The following MGAT5 variants were observed in gnomAD, a reference collection of about 807,000 sequenced individuals.
MGAT5 encodes alpha-1,6-mannosylglycoprotein 6-beta-N-acetylglucosaminyltransferase A.
MGAT5 carries 30 observed loss-of-function variants against 94.3 expected under a neutral mutation model. The ratio of observed to expected loss-of-function variants is 0.32; its 90% CI spans 0.24 to 0.43. MGAT5 has a LOEUF of 0.43. Among genes scored for constraint, MGAT5 ranks in the 20% least tolerant of loss-of-function variants. The pLI, the probability that MGAT5 is intolerant of heterozygous loss-of-function variation, is 1.00. For synonymous variants in MGAT5, 310 were observed against 322.9 expected, an observed-to-expected ratio of 0.96 and a Z score of 0.43; for missense variants, 691 against 905.5, an observed-to-expected ratio of 0.76 and a Z score of 3.04.
Position 134,167,125 on chromosome 2 carries a change from C to A in MGAT5, c.-143+46834C>A, listed in dbSNP as rs111800572. ...TTAGCTGAGGTTGATAAAGGACAAGCTTTTGTTACTGATTTGTTCCTGTAA... is the reference window on the plus strand; with the variant it reads ...TTAGCTGAGGTTGATAAAGGACAAGATTTTGTTACTGATTTGTTCCTGTAA... On this transcript the variant is annotated intron_variant, in intron 1 of 16. Coordinates refer to the MGAT5 transcript ENST00000409645. 7.6e-3 allele frequency among the ~76,000 whole-genome samples: 1,161 copies of A among 152,254 alleles called. 11 individuals are homozygous for A. The highest frequency in any genetic ancestry group is 0.026 in the African/African-American group (1,066 of 41,536).
At chr2:134,328,825 G>A (rs1414041858) in intron 4 of MGAT5, among the ~76,000 whole-genome samples, 1 of 151,936 alleles carries the variant, frequency 6.6e-6, no homozygotes, top group Non-Finnish European at 1.5e-5. Context: ...AGAGTGGCCA[G>A]GTCAGTGGGT....
At chr2:134,219,152 G>A (rs1680634360) in intron 1 of MGAT5, among the ~76,000 whole-genome samples, 1 of 152,150 alleles carries the variant, frequency 6.6e-6, no homozygotes, top group South Asian at 2.1e-4. Flanking sequence ...CGAGCCACCT[G>A]TCGGGGTGCA....
At chr2:134,124,236 G>A (rs1685741125) in intron 1 of MGAT5, among the ~76,000 whole-genome samples, 1 of 152,200 alleles carries the variant, frequency 6.6e-6, no homozygotes, top group Admixed American at 6.5e-5. Context: ...AGGAGCCTTA[G>A]CACTGTAACC....
At chr2:134,318,519 C>T (rs4954133) in intron 3 of MGAT5, 131 bp from the exon 4 acceptor site, 670,375 of 683,064 alleles carry the variant, frequency 0.98, 329,230 homozygotes, top group East Asian at 1. Flanking sequence ...GCTCAGTGAC[C>T]CTGTCACTCA....
chr2:134,131,865 G>C lies in MGAT5; in HGVS notation c.-143+11574G>C, dbSNP rs115146494. On this transcript the variant is annotated intron_variant, in intron 1 of 16. Coordinates refer to the MGAT5 transcript ENST00000409645. ...GACCCCGCCACCTCCATGAGATCGT[G>C]CCCAGGCTAGCCCAGTGGAGGGGGC... 1.4e-4 allele frequency among the ~76,000 whole-genome samples: 22 copies of C among 152,274 alleles called. 1 individual carries two copies. The East Asian group carries it at 4.3e-3, about 29-fold the overall frequency.
chr2:134,244,715 GGTGA>G (rs1682146218), intron 1 of MGAT5, among the ~76,000 whole-genome samples: 1 of 152,090 alleles, frequency 6.6e-6, no homozygotes. Context: ...TCTTCCAGTG[GGTGA>G]GTAAGATCCT....
At chr2:134,139,311 A>G (rs1048618059) in intron 1 of MGAT5, among the ~76,000 whole-genome samples, 1 of 152,242 alleles carries the variant, frequency 6.6e-6, no homozygotes, top group African/African-American at 2.4e-5. Flanking sequence ...GGCTGTTAAG[A>G]TCCAGAATGG....
chr2:134,154,132 A>G (rs534691582), intron 1 of MGAT5, among the ~76,000 whole-genome samples: 63 of 152,352 alleles, frequency 4.1e-4, no homozygotes, highest in Middle Eastern at 6.8e-3. Flanking sequence ...CACTTATAAT[A>G]CATAGACTTT....
chr2:134,152,113 C>T (rs1303567832), intron 1 of MGAT5, among the ~76,000 whole-genome samples: 1 of 148,130 alleles, frequency 6.8e-6, no homozygotes. Context: ...CGCCCACCGC[C>T]ATGGGACCTC....
At chr2:134,222,114 G>A (rs57199457) in intron 1 of MGAT5, among the ~76,000 whole-genome samples, 2,002 of 151,434 alleles carry the variant, frequency 0.013, 47 homozygotes, top group African/African-American at 0.045. Context: ...TCTTTAAGAG[G>A]TGAGATGGAG....
At position 134,449,032 on chromosome 2, in the gene MGAT5, A is replaced by G; in HGVS notation, c.*185A>G. 1 of 611,856 alleles carries G rather than the reference A, an allele frequency of 1.6e-6. No individual in the cohort carries two copies. Among genetic ancestry groups the G allele is most frequent in the Non-Finnish European group, 2.9e-6 (1 of 348,560 alleles). The allele number at this position is 611,856 out of a possible 1,614,324, so 37.9% of individuals were successfully genotyped here. A position where few individuals can be genotyped will look rare whatever the true frequency, so the allele number is the denominator to read the frequency against. ...AACCCAGTGGAGTCTTCACCAAAAC[A>G]AAACAAGAGCGTATGTCAGGCCAGG... On this transcript the variant is annotated 3_prime_UTR_variant, in exon 16 of 16. Coordinates refer to ENST00000281923, the MANE Select transcript of MGAT5 (RefSeq NM_002410.5).
intron 1 of MGAT5, among the ~76,000 whole-genome samples, chr2:134,207,180 G>A (rs1314922165): frequency 6.6e-6 from 1 of 152,084 alleles, no homozygotes; most frequent in African/African-American, 2.4e-5. Flanking sequence ...TTTAGATAGT[G>A]ATTCTTCTGC....
chr2:134,250,860 C>G (rs1478319865), upstream of MGAT5, among the ~76,000 whole-genome samples: 1 of 152,192 alleles, frequency 6.6e-6, no homozygotes, highest in East Asian at 1.9e-4. Context: ...CTTTGCGCCT[C>G]TGATACACCA....
chr2:134,367,942 T>G (rs1680537621), intron 10 of MGAT5, among the ~76,000 whole-genome samples: 1 of 152,242 alleles, frequency 6.6e-6, no homozygotes, highest in African/African-American at 2.4e-5. Context: ...GCTGATGCCT[T>G]TTAAGGAAGC....
chr2:134,400,740 G>C (rs965414608), intron 10 of MGAT5, among the ~76,000 whole-genome samples: 1 of 152,174 alleles, frequency 6.6e-6, no homozygotes, highest in African/African-American at 2.4e-5. Context: ...TCACTAGTTG[G>C]CAACTGGCTT....
intron 15 of MGAT5, among the ~76,000 whole-genome samples, chr2:134,442,312 C>T (rs1034349466): frequency 6.6e-6 from 1 of 152,102 alleles, no homozygotes; most frequent in African/African-American, 2.4e-5. Flanking sequence ...AGCCAGGCCT[C>T]CAGCAGAGTC....
At chr2:134,207,757 C>T (rs1160915333) in intron 1 of MGAT5, among the ~76,000 whole-genome samples, 1 of 152,066 alleles carries the variant, frequency 6.6e-6, no homozygotes, top group African/African-American at 2.4e-5. Context: ...TGATATGTAT[C>T]ATTTGTGCTC....
chr2:134,451,006 C>T lies in MGAT5; in HGVS notation c.*2159C>T, dbSNP rs1686075753. ...CCTGCAATCCCTGGGCCAGTGCCGC[C>T]CTCTCCTGGGCTCTTCCAGGAGCAT... On this transcript the variant is annotated 3_prime_UTR_variant, in exon 16 of 16. Coordinates refer to ENST00000281923, the MANE Select transcript of MGAT5 (RefSeq NM_002410.5). 1 of 152,048 alleles carries T rather than the reference C, an allele frequency of 6.6e-6. No homozygotes were observed. The highest frequency in any genetic ancestry group is 1.5e-5 in the Non-Finnish European group (1 of 68,020). The allele number at this position is 152,048 out of a possible 1,614,324, so 9.4% of individuals were successfully genotyped here.
In MGAT5 at chr2:134,338,310, G is replaced by A. The variant is rs1253150993; in HGVS notation, c.697G>A (p.Glu233Lys). The A allele has an allele frequency of 6.2e-7, 1 of 1,613,220 alleles. No individual in the cohort carries two copies. The highest frequency in any genetic ancestry group is 2.2e-5 in the East Asian group (1 of 44,816). Residue 233 changes from glutamate to lysine, a missense_variant, in exon 6 of 16, where the codon GAA (glutamate) becomes AAA (lysine). This residue lies in a region of MGAT5 where 307 missense variants were observed against 335.4 expected (regional missense o/e 0.92). Coordinates refer to ENST00000281923, the MANE Select transcript of MGAT5 (RefSeq NM_002410.5). ...NILYSMMKKH[E>K]EFRWMRLRIR... ...TCTCTACAGTATGATGAAAAAGCAT[G>A]AAGAATTCCGGTGGATGAGACTACG...
Sources: allele counts gnomAD v4.1 joint callset (sites outside exome capture counted in the v4.1 genomes callset), GRCh38; gene constraint gnomAD v4.1.1; regional missense constraint gnomAD v4.1.1; transcripts MANE v1.5; gene names NCBI Gene and HGNC (gene_info 2026-07-23, HGNC 2026-07-21).